Variants in GBX1 observed in about 807,000 individuals in gnomAD.
GBX1 encodes homeobox protein GBX-1.
A neutral mutation model predicts 22.9 loss-of-function variants in GBX1; 9 were observed. That is an observed-to-expected ratio of 0.39 (90% CI 0.24 to 0.69). The LOEUF (loss-of-function observed/expected upper bound fraction) is 0.69, where lower values mean the gene tolerates loss of function less well. GBX1 is among the 30% of genes least tolerant of loss of function. GBX1 has a pLI of 0.43. For missense variants in GBX1, 494 were observed against 509.2 expected (o/e 0.97, Z 0.29); for synonymous variants, 203 against 227.3 (o/e 0.89, Z 0.96).
rs1801034261 is a variant in GBX1 at position 151,148,089 on chromosome 7, G to T, written c.*500C>A. Among the ~76,000 whole-genome samples the T allele has an allele frequency of 6.6e-6, 1 of 152,192 alleles. No individual in the cohort carries two copies. Among genetic ancestry groups the T allele is most frequent in the African/African-American group, 2.4e-5 (1 of 41,432 alleles). On this transcript the variant is annotated 3_prime_UTR_variant, in exon 2 of 2. Coordinates refer to ENST00000297537, the MANE Select transcript of GBX1 (RefSeq NM_001098834.3). This position sits in a 1 kb window ranked among gnomAD's most constrained non-coding sequence, Gnocchi z 5.1. ...GCAGTAGGACAGACGAACTCTGGCT[G>T]AGGATTGAGGAAACAACTTTCCCAA...
intron 1 of GBX1, among the ~76,000 whole-genome samples, chr7:151,150,240 T>C (rs1563546630): frequency 6.6e-6 from 1 of 152,240 alleles, no homozygotes; most frequent in African/African-American, 2.4e-5. Context: ...CTGCAAATAA[T>C]GCATTACACA....
At chr7:151,160,779 A>AC (rs1801180734) in intron 1 of GBX1, among the ~76,000 whole-genome samples, 1 of 152,170 alleles carries the variant, frequency 6.6e-6, no homozygotes, top group South Asian at 2.1e-4. Context: ...TAAGCTGATA[A>AC]CTTTCTCCCA....
chr7:151,155,945 A>AGGAT (rs1375172124), intron 1 of GBX1, among the ~76,000 whole-genome samples: 1 of 152,206 alleles, frequency 6.6e-6, no homozygotes, highest in African/African-American at 2.4e-5. Context: ...AGAGAGGGAC[A>AGGAT]GGATGTCAAG....
chr7:151,150,277 G>T (rs1311467102), intron 1 of GBX1, among the ~76,000 whole-genome samples: 1 of 152,158 alleles, frequency 6.6e-6, no homozygotes. Context: ...TACAAACTCC[G>T]TTTTCTACTC....
intron 1 of GBX1, among the ~76,000 whole-genome samples, chr7:151,156,963 C>T (rs1294917036): frequency 9.0e-6 from 1 of 111,700 alleles, no homozygotes; most frequent in Non-Finnish European, 1.7e-5. Flanking sequence ...CCAGCCCAGG[C>T]AACAGAGTGA....
chr7:151,157,237 A>G (rs1801145795), intron 1 of GBX1, among the ~76,000 whole-genome samples: 1 of 152,148 alleles, frequency 6.6e-6, no homozygotes, highest in South Asian at 2.1e-4. Flanking sequence ...CGGAGGTTGC[A>G]GGGAGCCAAG....
chr7:151,148,557 T>TC lies in GBX1; in HGVS notation c.*31dup. 2.5e-6 allele frequency: 4 copies of TC among 1,594,842 alleles called. No individual in the cohort carries two copies. The highest frequency in any genetic ancestry group is 3.4e-6 in the Non-Finnish European group (4 of 1,167,204). ...GTCTCAGAGCAGGCTCAGGTACAGA[T>TC]CCCTCGCCTTCCTAAGTTCTTGGGT... On this transcript the variant is annotated 3_prime_UTR_variant, in exon 2 of 2. Transcript: ENST00000297537. The surrounding 1 kb of genome is among the most constrained non-coding windows in gnomAD (Gnocchi z 5.1).
chr7:151,167,537 G>C lies in GBX1; in HGVS notation c.12C>G (p.Ala4=). ...TGCCCCCAGGGGCGCTACCGCCTCC[G>C]GCCCGCTGCATCTTGTTCGGAGCTG... is the stretch of plus-strand genomic sequence containing the variant. MQR[A]GGGSAPGGNG... The change falls in exon 1 of 2, where the codon GCC becomes GCG. Residue 4 remains alanine, a synonymous_variant. Transcript: ENST00000297537. The surrounding 1 kb of genome is among the most constrained non-coding windows in gnomAD (Gnocchi z 5.9). The C allele has an allele frequency of 6.9e-7, 1 of 1,459,534 alleles. No individual in the cohort carries two copies. Among genetic ancestry groups the C allele is most frequent in the African/African-American group, 1.5e-5 (1 of 65,922 alleles). 90.4% of individuals were successfully genotyped at this position (1,459,534 alleles called of 1,614,324 possible). A position where few individuals can be genotyped will look rare whatever the true frequency, so the allele number is the denominator to read the frequency against.
In GBX1 at chr7:151,148,716, C is replaced by T; in HGVS notation, c.965G>A (p.Gly322Asp). The change falls in exon 2 of 2, where the codon GGC (glycine) becomes GAC (aspartate). Residue 322 changes from glycine to aspartate, a missense_variant. This residue lies in a region of GBX1 where 124 missense variants were observed against 152.0 expected (regional missense o/e 0.82). Coordinates refer to ENST00000297537, the MANE Select transcript of GBX1 (RefSeq NM_001098834.3). The surrounding 1 kb of genome is among the most constrained non-coding windows in gnomAD (Gnocchi z 5.1). The stretch of plus-strand genomic sequence containing the variant: ...CTCCCCAGAACGGCTGCTCACATTG[C>T]CAGCTTTGATGCGCTTCCACTTGGC... ...RRAKWKRIKA[G>D]NVSSRSGEPV... 1 of 1,614,190 alleles carries T rather than the reference C, an allele frequency of 6.2e-7. No homozygotes were observed. The highest frequency in any genetic ancestry group is 8.5e-7 in the Non-Finnish European group (1 of 1,180,028).
chr7:151,151,495 C>T (rs1174597367), intron 1 of GBX1, among the ~76,000 whole-genome samples: 1 of 152,150 alleles, frequency 6.6e-6, no homozygotes, highest in Admixed American at 6.5e-5. Flanking sequence ...TTCCACAGAA[C>T]TCAAACTTAA....
chr7:151,155,497 C>T (rs1285581439), intron 1 of GBX1, among the ~76,000 whole-genome samples: 1 of 152,176 alleles, frequency 6.6e-6, no homozygotes, highest in Non-Finnish European at 1.5e-5. Flanking sequence ...TATGCTCCTA[C>T]TCCTGCCTAT....
At chr7:151,149,614 G>T (rs954472886) in intron 1 of GBX1, among the ~76,000 whole-genome samples, 14 of 152,136 alleles carry the variant, frequency 9.2e-5, no homozygotes, top group Non-Finnish European at 2.1e-4. Flanking sequence ...TGGAGCCACT[G>T]GGGGGAGGAG....
intron 1 of GBX1, among the ~76,000 whole-genome samples, chr7:151,157,839 G>A (rs187046256): frequency 2.6e-5 from 4 of 152,218 alleles, no homozygotes; most frequent in East Asian, 3.9e-4. Context: ...TCAAGCTAGC[G>A]AATTAGTCAT....
chr7:151,167,413 A>G lies in GBX1; in HGVS notation c.136T>C (p.Tyr46His), dbSNP rs1222844517. 6.6e-7 allele frequency: 1 copy of G among 1,518,496 alleles called. No individual in the cohort carries two copies. Among genetic ancestry groups the G allele is most frequent in the Non-Finnish European group, 8.8e-7 (1 of 1,134,732 alleles). 94.1% of individuals were successfully genotyped at this position (1,518,496 alleles called of 1,614,324 possible). A position where few individuals can be genotyped will look rare whatever the true frequency, so the allele number is the denominator to read the frequency against. Residue 46 changes from tyrosine (Y) to histidine (H), a missense_variant, in exon 1 of 2, where the codon TAC (tyrosine) becomes CAC (histidine). By Grantham distance (83) the Tyr-to-His change is moderately conservative. Coordinates refer to ENST00000297537, the MANE Select transcript of GBX1 (RefSeq NM_001098834.3). This position sits in a 1 kb window ranked among gnomAD's most constrained non-coding sequence, Gnocchi z 5.9. ...PRSGHLLYTG[Y>H]PMFMPYRPLV... Reference sequence around the variant, plus strand: ...GGCCGGTAGGGCATGAACATGGGGTAGCCGGTGTACAGCAAGTGGCCGGAG... The same window carrying G: ...GGCCGGTAGGGCATGAACATGGGGTGGCCGGTGTACAGCAAGTGGCCGGAG...
At chr7:151,152,696 C>T (rs1355225135) in intron 1 of GBX1, among the ~76,000 whole-genome samples, 1 of 152,176 alleles carries the variant, frequency 6.6e-6, no homozygotes, top group Non-Finnish European at 1.5e-5. Flanking sequence ...CCCAGGTTCC[C>T]GATCTGGCAG....
intron 1 of GBX1, among the ~76,000 whole-genome samples, chr7:151,151,045 G>A (rs1801073979): frequency 6.6e-6 from 1 of 152,138 alleles, no homozygotes; most frequent in Admixed American, 6.5e-5. Flanking sequence ...ATTTTCCTTA[G>A]TGGCCAGAAC....
intron 1 of GBX1, among the ~76,000 whole-genome samples, chr7:151,152,520 A>T (rs146472625): frequency 6.6e-6 from 1 of 152,358 alleles, no homozygotes; most frequent in East Asian, 1.9e-4. Context: ...TAACAAAAAG[A>T]ATAACAAAGG....
At chr7:151,159,757 C>T (rs946272935) in intron 1 of GBX1, among the ~76,000 whole-genome samples, 2 of 152,196 alleles carry the variant, frequency 1.3e-5, no homozygotes, top group African/African-American at 4.8e-5. Context: ...ACCAATTTTA[C>T]AACACAACTT....
chr7:151,157,928 T>C (rs1235445548), intron 1 of GBX1, among the ~76,000 whole-genome samples: 1 of 152,226 alleles, frequency 6.6e-6, no homozygotes, highest in Non-Finnish European at 1.5e-5. Context: ...TAGAACTGCA[T>C]GTGCTTGTGC....
Sources: gnomAD v4.1 joint callset for allele counts (sites outside exome capture counted in the v4.1 genomes callset) on GRCh38, gnomAD v4.1.1 for gene constraint, gnomAD v4.1.1 regional missense constraint, Gnocchi (gnomAD v3.1) non-coding constraint, MANE v1.5 for transcripts, NCBI Gene and HGNC (gene_info 2026-07-23, HGNC 2026-07-21) for gene names.